The following LCORL variants were observed in gnomAD, a reference collection of about 807,000 sequenced individuals.
LCORL encodes ligand-dependent nuclear receptor corepressor-like protein.
LCORL carries 41 observed loss-of-function variants against 141.8 expected under a neutral mutation model. That is an observed-to-expected ratio of 0.29 (90% CI 0.23 to 0.38). The LOEUF (loss-of-function observed/expected upper bound fraction) is 0.38. LCORL is among the 10% of genes least tolerant of loss of function. The pLI is 1.00. For missense variants in LCORL, 1,759 were observed against 2,035.0 expected (o/e 0.86, Z 2.61); for synonymous variants, 618 against 694.1 (o/e 0.89, Z 1.72).
At chr4:17,980,316 T>C (rs745800438) in intron 1 of LCORL, among the ~76,000 whole-genome samples, 17 of 152,208 alleles carry the variant, frequency 1.1e-4, no homozygotes, top group Non-Finnish European at 2.2e-4. Context: ...ACTTTTCTTG[T>C]CCCGCTCTGA....
At chr4:17,861,284 A>G (rs1019925769) in intron 7 of LCORL, among the ~76,000 whole-genome samples, 8 of 152,316 alleles carry the variant, frequency 5.3e-5, no homozygotes, top group Middle Eastern at 3.4e-3. Context: ...CCCAATCCTC[A>G]ATTCTTGACT....
Position 17,908,966 on chromosome 4 carries a change from T to C in LCORL, c.682+128A>G, listed in dbSNP as rs1378979322. The C allele has an allele frequency of 3.5e-5, 29 of 828,476 alleles. No individual in the cohort carries two copies. The Admixed American group carries it at 7.4e-4, about 21-fold the overall frequency. The allele number at this position is 828,476 out of a possible 1,614,324, so 51.3% of individuals were successfully genotyped here. On this transcript the variant is annotated intron_variant, in intron 5 of 7. Coordinates refer to ENST00000635767, the Ensembl canonical transcript of LCORL. ...AATAGGTACTTCTCTCCAGCACATA[T>C]TACATAAGCAAATTAAAAGTCATAT...
At chr4:17,913,719 C>T (rs754107881) in intron 4 of LCORL, among the ~76,000 whole-genome samples, 4 of 152,180 alleles carry the variant, frequency 2.6e-5, no homozygotes, top group Non-Finnish European at 5.9e-5. Context: ...GGGAAATCAT[C>T]AGGCGTCCAC....
chr4:17,964,602 T>C (rs184908421), intron 2 of LCORL, among the ~76,000 whole-genome samples: 2 of 152,200 alleles, frequency 1.3e-5, no homozygotes, highest in African/African-American at 4.8e-5. Flanking sequence ...CCAGCTCCTA[T>C]AGAACTGTAG....
chr4:17,946,008 T>C (rs1738822007), intron 4 of LCORL, among the ~76,000 whole-genome samples: 1 of 151,904 alleles, frequency 6.6e-6, no homozygotes, highest in Admixed American at 6.6e-5. Flanking sequence ...ATCTAAGACA[T>C]ATAGATTTTT....
intron 4 of LCORL, among the ~76,000 whole-genome samples, chr4:17,913,694 G>T (rs1357538417): frequency 2.6e-5 from 4 of 152,182 alleles, no homozygotes; most frequent in Non-Finnish European, 5.9e-5. Context: ...AGGGCAATAT[G>T]GCAAGAGTTA....
intron 7 of LCORL, among the ~76,000 whole-genome samples, chr4:17,857,639 T>G (rs1169662297): frequency 6.6e-6 from 1 of 152,084 alleles, no homozygotes; most frequent in East Asian, 1.9e-4. Context: ...AATTCTTTGT[T>G]TTGGGGGGCT....
At chr4:18,018,457 GA>G (rs887355959) in intron 1 of LCORL, among the ~76,000 whole-genome samples, 2 of 152,044 alleles carry the variant, frequency 1.3e-5, no homozygotes, top group Non-Finnish European at 2.9e-5. Flanking sequence ...ACTCTTCAAT[GA>G]AAAGAAAACT....
At chr4:17,972,716 G>A (rs557298802) in intron 2 of LCORL, 104 bp downstream of exon 2, 8 of 402,052 alleles carry the variant, frequency 2.0e-5, no homozygotes, top group Middle Eastern at 1.4e-3. Context: ...AATTAAATTG[G>A]ATCATAAATT....
chr4:17,842,161 T>C, exon 8 of LCORL: 1 of 594,648 alleles, frequency 1.7e-6, no homozygotes, highest in Admixed American at 3.1e-5. Flanking sequence ...CAGTGATAAC[T>C]GGTACCAAGA....
At chr4:17,960,987 T>C (rs1577556088) in intron 4 of LCORL, among the ~76,000 whole-genome samples, 1 of 152,256 alleles carries the variant, frequency 6.6e-6, no homozygotes, top group African/African-American at 2.4e-5. Context: ...CAAAAGACTC[T>C]TGTATCACAG....
intron 4 of LCORL, chr4:17,912,958 A>G: frequency 2.2e-6 from 1 of 455,894 alleles, no homozygotes; most frequent in Non-Finnish European, 4.3e-6. Flanking sequence ...GACCAGTGAC[A>G]CCAAAGTTCT....
chr4:17,873,357 A>G (rs1271907202), intron 7 of LCORL, 31 bp downstream of exon 7: 1 of 1,222,116 alleles, frequency 8.2e-7, no homozygotes, highest in African/African-American at 1.6e-5. Flanking sequence ...ACCTACAATG[A>G]AACTTTAAAA....
chr4:17,884,178 G>A lies in LCORL; in HGVS notation c.776+1890C>T. ...GGGAGTATATTTTTCAGTTTTTGGAGAGCTGATCCTTCTAGGACTGAAGAG... is the reference window on the plus strand; with the variant it reads ...GGGAGTATATTTTTCAGTTTTTGGAAAGCTGATCCTTCTAGGACTGAAGAG... On this transcript the variant is annotated intron_variant, in intron 6 of 7. Coordinates refer to ENST00000635767, the Ensembl canonical transcript of LCORL. The surrounding 1 kb of genome is among the most constrained non-coding windows in gnomAD (Gnocchi z 4.4). 1 of 1,550,444 alleles carries A rather than the reference G, an allele frequency of 6.4e-7. No homozygotes were observed.
intron 5 of LCORL, among the ~76,000 whole-genome samples, chr4:17,897,843 C>T (rs1730232261): frequency 6.6e-6 from 1 of 152,102 alleles, no homozygotes; most frequent in Non-Finnish European, 1.5e-5. Context: ...CTAGTCCAAA[C>T]CTGAAGTCCA....
exon 8 of LCORL, chr4:17,845,746 T>C: frequency 1.2e-6 from 2 of 1,605,596 alleles, no homozygotes; most frequent in African/African-American, 1.3e-5. Flanking sequence ...TTTGAGATTT[T>C]GGTTATGAAC....
At chr4:17,892,613 C>T (rs1022711959) in intron 5 of LCORL, among the ~76,000 whole-genome samples, 1 of 150,024 alleles carries the variant, frequency 6.7e-6, no homozygotes, top group African/African-American at 2.5e-5. Flanking sequence ...TATTTATTCA[C>T]GATGAGATGA....
chr4:17,902,768 G>T (rs1731075812), intron 5 of LCORL, among the ~76,000 whole-genome samples: 1 of 151,886 alleles, frequency 6.6e-6, no homozygotes, highest in Admixed American at 6.6e-5. Context: ...GTCACTTGAA[G>T]CCTACTTAGT....
chr4:17,874,516 C>G, exon 7 of LCORL: 2 of 1,233,810 alleles, frequency 1.6e-6, no homozygotes, highest in Non-Finnish European at 2.0e-6. Flanking sequence ...AGCATTTTTA[C>G]AGGTGAAACT....
Sources: allele counts gnomAD v4.1 joint callset (sites outside exome capture counted in the v4.1 genomes callset), GRCh38; gene constraint gnomAD v4.1.1; non-coding constraint Gnocchi (gnomAD v3.1); transcripts MANE v1.5; gene names NCBI Gene and HGNC (gene_info 2026-07-23, HGNC 2026-07-21).